The following MON2 variants were observed in gnomAD, a reference collection of about 807,000 sequenced individuals.
MON2 encodes protein MON2 homolog.
MON2 carries 84 observed loss-of-function variants against 208.6 expected under a neutral mutation model. That is an observed-to-expected ratio of 0.40 (90% CI 0.34 to 0.48). The LOEUF is 0.48. Ranked by LOEUF, MON2 falls within the 20% of genes least tolerant of loss-of-function variation. MON2 has a pLI of 0.59. For synonymous variants in MON2, 660 were observed against 694.0 expected (o/e 0.95, Z 0.77); for missense variants, 1,611 against 2,015.4 (o/e 0.80, Z 3.84).
intron 20 of MON2, among the ~76,000 whole-genome samples, chr12:62,544,004 T>C (rs992885549): frequency 2.6e-5 from 4 of 152,202 alleles, no homozygotes; most frequent in African/African-American, 9.6e-5. Context: ...TACATTGTCT[T>C]ACATTCAGGT....
In MON2 at chr12:62,543,124, T is replaced by C. The variant is rs765664156; in HGVS notation, c.2392T>C (p.Leu798=). ...ACCATCTCTTTTTGCTGTTGCCAAA[T>C]TGTTAGAAACTGGTTTAGTTAATAT... ...KEPSLFAVAK[L]LETGLVNMHR... is the part of the protein sequence containing the mutation. Residue 798 remains leucine (L), a synonymous_variant, in exon 20 of 35, where the codon TTG becomes CTG. Coordinates refer to ENST00000393630, the MANE Select transcript of MON2 (RefSeq NM_015026.3). The C allele has an allele frequency of 6.3e-7, 1 of 1,579,836 alleles. No individual in the cohort carries two copies. Among genetic ancestry groups the C allele is most frequent in the South Asian group, 1.2e-5 (1 of 82,736 alleles).
At chr12:62,469,026 A>G (rs1053052151) in intron 1 of MON2, among the ~76,000 whole-genome samples, 7 of 151,822 alleles carry the variant, frequency 4.6e-5, no homozygotes, top group African/African-American at 1.7e-4. Flanking sequence ...TGCAACCTCG[A>G]ACTCCCTGGC....
chr12:62,467,381 G>C (rs948516585), intron 1 of MON2, 63 bp downstream of exon 1: 27 of 1,329,374 alleles, frequency 2.0e-5, no homozygotes, highest in Non-Finnish European at 2.6e-5. Flanking sequence ...TAGACTCAGT[G>C]CTTCACCCCA....
At chr12:62,494,940 G>A in intron 3 of MON2, 76 bp from the exon 4 acceptor site, 2 of 1,093,900 alleles carry the variant, frequency 1.8e-6, no homozygotes, top group South Asian at 3.7e-5. Context: ...ATGTAGGTTT[G>A]TATACCTTCT....
At chr12:62,468,174 A>G (rs1039615429) in intron 1 of MON2, among the ~76,000 whole-genome samples, 4 of 151,230 alleles carry the variant, frequency 2.6e-5, no homozygotes, top group Admixed American at 2.6e-4. Context: ...AAAACAAACA[A>G]AAAAACCCAC....
At chr12:62,485,809 T>C (rs1197003286) in intron 2 of MON2, among the ~76,000 whole-genome samples, 1 of 152,166 alleles carries the variant, frequency 6.6e-6, no homozygotes, top group Non-Finnish European at 1.5e-5. Flanking sequence ...GTTCAAGCGA[T>C]TCTCCTGCCT....
chr12:62,498,777 A>C (rs1377953743), intron 4 of MON2, 142 bp from the exon 5 acceptor site: 3 of 864,500 alleles, frequency 3.5e-6, no homozygotes, highest in Non-Finnish European at 4.9e-6. Flanking sequence ...GATTACATCA[A>C]AATCTGAGGA....
chr12:62,490,412 C>G (rs929670318), intron 2 of MON2, among the ~76,000 whole-genome samples: 5 of 151,680 alleles, frequency 3.3e-5, no homozygotes, highest in Admixed American at 2.6e-4. Context: ...TGCTGTACAG[C>G]CTTTTTGTCA....
intron 23 of MON2, among the ~76,000 whole-genome samples, chr12:62,551,967 A>AT (rs1412659182): frequency 3.3e-5 from 5 of 151,872 alleles, no homozygotes; most frequent in Non-Finnish European, 5.9e-5. Flanking sequence ...TAAATAGAAA[A>AT]TTTTTTTTTA....
At chr12:62,495,689 C>CAAAAAAA (rs56155110) in intron 4 of MON2, among the ~76,000 whole-genome samples, 1 of 108,518 alleles carries the variant, frequency 9.2e-6, no homozygotes, top group Non-Finnish European at 1.9e-5. Context: ...GACTCCGTCT[C>CAAAAAAA]AAAAAAAAAA....
chr12:62,573,576 T>G (rs1047311512), intron 30 of MON2, among the ~76,000 whole-genome samples: 2 of 151,764 alleles, frequency 1.3e-5, no homozygotes, highest in African/African-American at 4.8e-5. Context: ...AAAATGGTTT[T>G]CTATGTAAAA....
intron 12 of MON2, among the ~76,000 whole-genome samples, chr12:62,533,471 T>A (rs1329305622): frequency 6.6e-6 from 1 of 152,218 alleles, no homozygotes. Context: ...TTCAGAGGAT[T>A]ATAGTCTTTA....
At position 62,531,300 on chromosome 12, in the gene MON2, A is replaced by T. The variant is rs1352128954; in HGVS notation, c.1401-1138A>T. ...ATCTAACAAACCTTTGCCTAATCCG[A>T]GGTAGTGAAGATTTTTACCCATGTT... On this transcript the variant is annotated intron_variant, in intron 11 of 34. Coordinates refer to ENST00000393630, the MANE Select transcript of MON2 (RefSeq NM_015026.3). 5.3e-5 allele frequency among the ~76,000 whole-genome samples: 8 copies of T among 151,996 alleles called. No homozygotes were observed. The East Asian group carries it at 1.5e-3, about 29-fold the overall frequency.
chr12:62,517,737 A>G (rs1038958050), intron 8 of MON2, among the ~76,000 whole-genome samples: 7 of 152,204 alleles, frequency 4.6e-5, no homozygotes, highest in African/African-American at 1.7e-4. Context: ...AATTTCTGTC[A>G]TTTAAGCCAC....
intron 1 of MON2, among the ~76,000 whole-genome samples, chr12:62,481,244 C>T (rs916893794): frequency 2.6e-5 from 4 of 151,890 alleles, no homozygotes; most frequent in African/African-American, 9.7e-5. Context: ...ACTGATGGCT[C>T]GGCCAGGCGT....
intron 32 of MON2, 112 bp from the exon 33 acceptor site, chr12:62,585,182 G>T (rs962353478): frequency 1.2e-5 from 9 of 761,692 alleles, no homozygotes; most frequent in Non-Finnish European, 1.7e-5. Context: ...TGTTCTAGGT[G>T]CCTTTCACCA....
intron 4 of MON2, among the ~76,000 whole-genome samples, chr12:62,496,279 T>C (rs1441788716): frequency 6.6e-6 from 1 of 152,170 alleles, no homozygotes; most frequent in Non-Finnish European, 1.5e-5. Flanking sequence ...CTGATGCATA[T>C]ATTTAAAGTT....
At chr12:62,550,420 G>A (rs2073688785) in intron 23 of MON2, among the ~76,000 whole-genome samples, 1 of 152,166 alleles carries the variant, frequency 6.6e-6, no homozygotes, top group African/African-American at 2.4e-5. Context: ...TACATGGGAG[G>A]CTGGGATGGG....
chr12:62,591,441 G>A (rs2075395305), intron 34 of MON2, among the ~76,000 whole-genome samples: 1 of 152,108 alleles, frequency 6.6e-6, no homozygotes, highest in African/African-American at 2.4e-5. Flanking sequence ...CATTGATGAT[G>A]TTTGATGTCA....
Sources: gnomAD v4.1 joint callset for allele counts (sites outside exome capture counted in the v4.1 genomes callset) on GRCh38, gnomAD v4.1.1 for gene constraint, MANE v1.5 for transcripts, NCBI Gene and HGNC (gene_info 2026-07-23, HGNC 2026-07-21) for gene names.